Variants in ADAM15 observed in about 807,000 individuals in gnomAD.
ADAM15 encodes the protein ADAM metallopeptidase domain 15.
A neutral mutation model predicts 113.8 loss-of-function variants in ADAM15; 77 were observed. The ratio of observed to expected loss-of-function variants is 0.68; its 90% CI spans 0.56 to 0.82. The LOEUF is 0.82. ADAM15 is among the 40% of genes least tolerant of loss of function. The probability of loss-of-function intolerance (pLI) is 0.00; values close to 1 mark genes in which losing one functional copy is unlikely to be tolerated. For synonymous variants in ADAM15, 388 were observed against 454.1 expected (o/e 0.85, Z 1.85); for missense variants, 963 against 1,120.1 (o/e 0.86, Z 2.00).
Position 155,055,974 on chromosome 1 carries a change from C to A in ADAM15, c.718C>A (p.Leu240Met), listed in dbSNP as rs77062647. The change falls in exon 8 of 23, where the codon CTG (leucine) becomes ATG (methionine). Residue 240 changes from leucine to methionine, a missense_variant. Physicochemically the swap from Leu to Met is conservative, Grantham distance 15 (BLOSUM62 2). Coordinates refer to ENST00000356955, the MANE Select transcript of ADAM15 (RefSeq NM_207197.3). ...CTTCCAGCACCTGCTAAACCGCACA[C>A]TGGAAGTGGCCCTCTTGCTGGACAC... ...RDFQHLLNRTLEVALLLDTFF... is the reference protein window; with the variant it reads ...RDFQHLLNRTMEVALLLDTFF... 3,441 of 1,614,134 alleles carry A rather than the reference C, an allele frequency of 2.1e-3. 49 individuals are homozygous for A. The East Asian group carries it at 0.04, about 19-fold the overall frequency.
chr1:155,061,782 C>T, intron 20 of ADAM15, 122 bp from the exon 21 acceptor site: 1 of 1,138,694 alleles, frequency 8.8e-7, no homozygotes, highest in East Asian at 2.5e-5. Context: ...CTGCGCATGC[C>T]CTCATTCTCT....
intron 2 of ADAM15, 92 bp downstream of exon 2, chr1:155,052,869 G>A (rs904221541): frequency 1.3e-6 from 2 of 1,488,382 alleles, no homozygotes; most frequent in Admixed American, 2.1e-5. Flanking sequence ...CTGAGGAGCT[G>A]GTGGGTAGAG....
chr1:155,057,110 C>A lies in ADAM15; in HGVS notation c.1148+9C>A. The A allele has an allele frequency of 6.4e-7, 1 of 1,569,364 alleles. No homozygotes were observed. ...ATGGAGGCCTCCACAGAGTAAGTAG[C>A]TGCAGGATGGAGAGAGGGTGTGGGG... On this transcript the variant is annotated intron_variant, in intron 11 of 22. Transcript: ENST00000356955. The surrounding 1 kb of genome is among the most constrained non-coding windows in gnomAD (Gnocchi z 5.0).
intron 3 of ADAM15, 110 bp from the exon 4 acceptor site, chr1:155,053,800 C>A: frequency 7.8e-7 from 1 of 1,289,968 alleles, no homozygotes; most frequent in Non-Finnish European, 1.1e-6. Context: ...GAAAAGTTGG[C>A]TGCGGGGGTT....
intron 1 of ADAM15, 168 bp from the exon 2 acceptor site, chr1:155,052,502 AC>A (rs1242182098): frequency 6.5e-7 from 1 of 1,539,312 alleles, no homozygotes; most frequent in South Asian, 1.2e-5. Flanking sequence ...TTAGAGAGAC[AC>A]CCTCTCCTTC....
Position 155,062,188 on chromosome 1 carries a change from G to A in ADAM15, c.2425-57G>A. The stretch of plus-strand genomic sequence containing the variant: ...GTGTTCCCCAGCACCAGTGCGTTGG[G>A]GGTGGGCAACATGACACCCCCCCAC... On this transcript the variant is annotated intron_variant, in intron 21 of 22. Coordinates refer to ENST00000356955, the MANE Select transcript of ADAM15 (RefSeq NM_207197.3). The surrounding 1 kb of genome is among the most constrained non-coding windows in gnomAD (Gnocchi z 7.0). 6.9e-7 allele frequency: 1 copy of A among 1,446,474 alleles called. No homozygotes were observed. The highest frequency in any genetic ancestry group is 1.5e-5 in the South Asian group (1 of 68,330). 89.6% of individuals were successfully genotyped at this position (1,446,474 alleles called of 1,614,324 possible).
rs568276581 is a variant in ADAM15 at position 155,061,938 on chromosome 1, G to C, written c.2387G>C (p.Arg796Pro). ...ELADRPNPPT[R>P]PLPADPVVRS... is the part of the protein sequence containing the mutation. ...GCTGACCGACCCAATCCCCCTACCC[G>C]CCCTCTGCCCGCTGACCCGGTGGTG... is the stretch of plus-strand genomic sequence containing the variant. Residue 796 changes from arginine (R) to proline (P), a missense_variant, in exon 21 of 23, where the codon CGC (arginine) becomes CCC (proline). Coordinates refer to ENST00000356955, the MANE Select transcript of ADAM15 (RefSeq NM_207197.3). 25 of 1,582,264 alleles carry C rather than the reference G, an allele frequency of 1.6e-5. No homozygotes were observed. Among genetic ancestry groups the C allele is most frequent in the Middle Eastern group, 3.4e-4 (2 of 5,946 alleles).
chr1:155,051,898 C>T (rs1039663763), intron 1 of ADAM15: 3 of 165,070 alleles, frequency 1.8e-5, no homozygotes, highest in East Asian at 1.8e-4. Flanking sequence ...TCTCTCTAGC[C>T]TCTATTCCAG....
At position 155,062,055 on chromosome 1, in the gene ADAM15, G is replaced by A; in HGVS notation, c.2424+80G>A. 1 of 1,477,648 alleles carries A rather than the reference G, an allele frequency of 6.8e-7. No homozygotes were observed. The highest frequency in any genetic ancestry group is 9.0e-7 in the Non-Finnish European group (1 of 1,111,672). The allele number at this position is 1,477,648 out of a possible 1,614,324, so 91.5% of individuals were successfully genotyped here. Reference sequence around the variant, plus strand: ...GCTGGTAGCCATGACGGTGGTGGCCGTGGCGAGATGCCCCCTCAGTGCATG... The same window carrying A: ...GCTGGTAGCCATGACGGTGGTGGCCATGGCGAGATGCCCCCTCAGTGCATG... On this transcript the variant is annotated intron_variant, in intron 21 of 22. Transcript: ENST00000356955. This position sits in a 1 kb window ranked among gnomAD's most constrained non-coding sequence, Gnocchi z 7.0.
Position 155,061,454 on chromosome 1 carries a change from C to T in ADAM15, c.2317C>T (p.Pro773Ser). Reference sequence around the variant, plus strand: ...CAGCTTCCCGGCCCCCCCTTCCAGGCCGCTGCCGCCTGACCCTGTGTCCAA... The same window carrying T: ...CAGCTTCCCGGCCCCCCCTTCCAGGTCGCTGCCGCCTGACCCTGTGTCCAA... ...ALSFPAPPSR[P>S]LPPDPVSKRL... Residue 773 changes from proline to serine, a missense_variant, in exon 20 of 23, where the codon CCG (proline) becomes TCG (serine). By Grantham distance (74) the Pro-to-Ser change is moderately conservative. Transcript: ENST00000356955. 1 of 1,613,780 alleles carries T rather than the reference C, an allele frequency of 6.2e-7. No homozygotes were observed. The highest frequency in any genetic ancestry group is 8.5e-7 in the Non-Finnish European group (1 of 1,179,886).
Position 155,057,410 on chromosome 1 carries a change from C to T in ADAM15, c.1323+48C>T, listed in dbSNP as rs748557417. ...CGCCCCACTCACTTCTGTACCCTCA[C>T]CCTGGCTCATTAGCCCTATCCCAGC... On this transcript the variant is annotated intron_variant, in intron 12 of 22. Coordinates refer to ENST00000356955, the MANE Select transcript of ADAM15 (RefSeq NM_207197.3). This position sits in a 1 kb window ranked among gnomAD's most constrained non-coding sequence, Gnocchi z 5.0. 6.2e-7 allele frequency: 1 copy of T among 1,606,934 alleles called. No individual in the cohort carries two copies. The highest frequency in any genetic ancestry group is 8.5e-7 in the Non-Finnish European group (1 of 1,174,602).
In ADAM15 at chr1:155,058,813, G is replaced by A. The variant is rs1662143403; in HGVS notation, c.1995+26G>A. On this transcript the variant is annotated intron_variant, in intron 16 of 22. Transcript: ENST00000356955. The surrounding 1 kb of genome is among the most constrained non-coding windows in gnomAD (Gnocchi z 4.3). ...GTGAGCTGGGATGGGGGAAGTGGAA[G>A]GGGAGCAGAGAGCCTCTAGAGAGGA... 1 of 1,600,902 alleles carries A rather than the reference G, an allele frequency of 6.2e-7. No individual in the cohort carries two copies. Among genetic ancestry groups the A allele is most frequent in the Non-Finnish European group, 8.5e-7 (1 of 1,172,842 alleles).
In ADAM15 at chr1:155,058,780, G is replaced by C; in HGVS notation, c.1988G>C (p.Gly663Ala). The C allele has an allele frequency of 6.2e-7, 1 of 1,611,922 alleles. No individual in the cohort carries two copies. ...CAGGAATGTCGAAGCAAATGCCATG[G>C]ACATGGGGTGAGCTGGGATGGGGGA... is the stretch of plus-strand genomic sequence containing the variant. ...GAQECRSKCH[G>A]HGVCDSNRHC... is the part of the protein sequence containing the mutation. The change falls in exon 16 of 23, where the codon GGA (glycine) becomes GCA (alanine). Residue 663 changes from glycine (G) to alanine (A), a missense_variant. By Grantham distance (60) the Gly-to-Ala change is moderately conservative (BLOSUM62 0). Transcript: ENST00000356955. This position sits in a 1 kb window ranked among gnomAD's most constrained non-coding sequence, Gnocchi z 4.3.
At position 155,055,719 on chromosome 1, in the gene ADAM15, CTT is replaced by C. The variant is rs1661662136; in HGVS notation, c.613-70_613-69del. On this transcript the variant is annotated intron_variant, in intron 6 of 22. Transcript: ENST00000356955. ...ACCCACAGAGTAGGAGTGGCTGCCTCTTGGTCAGCCCGGCACAGCTGCTGGCT... is the reference window on the plus strand; with the variant it reads ...ACCCACAGAGTAGGAGTGGCTGCCTCGGTCAGCCCGGCACAGCTGCTGGCT... 5 of 1,554,640 alleles carry C rather than the reference CTT, an allele frequency of 3.2e-6. No homozygotes were observed. The Admixed American group carries it at 8.3e-5, about 26-fold the overall frequency.
At position 155,062,058 on chromosome 1, in the gene ADAM15, G is replaced by T; in HGVS notation, c.2424+83G>T. On this transcript the variant is annotated intron_variant, in intron 21 of 22. Coordinates refer to ENST00000356955, the MANE Select transcript of ADAM15 (RefSeq NM_207197.3). The surrounding 1 kb of genome is among the most constrained non-coding windows in gnomAD (Gnocchi z 7.0). ...GGTAGCCATGACGGTGGTGGCCGTG[G>T]CGAGATGCCCCCTCAGTGCATGAGG... is the stretch of plus-strand genomic sequence containing the variant. The T allele has an allele frequency of 6.8e-7, 1 of 1,478,986 alleles. No homozygotes were observed. The allele number at this position is 1,478,986 out of a possible 1,614,324, so 91.6% of individuals were successfully genotyped here. A position where few individuals can be genotyped will look rare whatever the true frequency, so the allele number is the denominator to read the frequency against.
At position 155,062,557 on chromosome 1, in the gene ADAM15, C is replaced by G. The variant is rs1206487387; in HGVS notation, c.*55C>G. The G allele has an allele frequency of 6.3e-7, 1 of 1,594,114 alleles. No individual in the cohort carries two copies. Among genetic ancestry groups the G allele is most frequent in the African/African-American group, 1.3e-5 (1 of 74,550 alleles). ...CGGACTTAGGGCTTCAAGAGGCGGGCGTGCCCTCTGGAGTCCCCTACCATG... is the reference window on the plus strand; with the variant it reads ...CGGACTTAGGGCTTCAAGAGGCGGGGGTGCCCTCTGGAGTCCCCTACCATG... On this transcript the variant is annotated 3_prime_UTR_variant, in exon 23 of 23. Transcript: ENST00000356955. The surrounding 1 kb of genome is among the most constrained non-coding windows in gnomAD (Gnocchi z 7.0).
At chr1:155,053,804 G>T in intron 3 of ADAM15, 106 bp from the exon 4 acceptor site, 1 of 1,334,616 alleles carries the variant, frequency 7.5e-7, no homozygotes, top group Non-Finnish European at 1.0e-6. Context: ...AGTTGGCTGC[G>T]GGGGTTGCCT....
In ADAM15 at chr1:155,051,415, G is replaced by C; in HGVS notation, c.29G>C (p.Gly10Ala). 6.4e-7 allele frequency: 1 copy of C among 1,560,614 alleles called. No homozygotes were observed. ...CGGCTGGCGCTGCTCTGGGCCCTGG[G>C]GCTCCTGGGCGCGGGCAGCCCTCTG... is the stretch of plus-strand genomic sequence containing the variant. MRLALLWAL[G>A]LLGAGSPLPS... Residue 10 changes from glycine to alanine, a missense_variant, in exon 1 of 23, where the codon GGG (glycine) becomes GCG (alanine). Transcript: ENST00000356955.
chr1:155,055,855 G>T lies in ADAM15; in HGVS notation c.675+3G>T. ...TGATTGTGGCTGATCACTCGGAGGT[G>T]AGCCTGCTGGCCCCTGCACATCCTC... is the stretch of plus-strand genomic sequence containing the variant. On this transcript the variant is annotated splice_donor_region_variant and intron_variant, in intron 7 of 22. Transcript: ENST00000356955. 6.2e-7 allele frequency: 1 copy of T among 1,614,236 alleles called. No homozygotes were observed. Among genetic ancestry groups the T allele is most frequent in the Non-Finnish European group, 8.5e-7 (1 of 1,180,048 alleles).
Sources: allele counts gnomAD v4.1 joint callset, GRCh38; gene constraint gnomAD v4.1.1; non-coding constraint Gnocchi (gnomAD v3.1); transcripts MANE v1.5; gene names NCBI Gene and HGNC (gene_info 2026-07-23, HGNC 2026-07-21).